Variants in RBPMS observed in about 807,000 individuals in gnomAD.
RBPMS encodes the protein RNA-binding protein with multiple splicing.
In RBPMS, 7 loss-of-function variants were observed where a neutral mutation model predicts 26.8. The observed-to-expected ratio is 0.26, with a 90% confidence interval of 0.15 to 0.49. The LOEUF is 0.49. Among genes scored for constraint, RBPMS ranks in the 20% least tolerant of loss-of-function variants. The probability of loss-of-function intolerance (pLI) is 0.98; values close to 1 mark genes in which losing one functional copy is unlikely to be tolerated. For synonymous variants in RBPMS, 96 were observed against 93.3 expected (o/e 1.03, Z -0.17); for missense variants, 186 against 250.0 (o/e 0.74, Z 1.73).
chr8:30,502,452 C>T lies in RBPMS; in HGVS notation c.247-1834C>T, dbSNP rs147909727. On this transcript the variant is annotated intron_variant, in intron 4 of 8. Transcript: ENST00000397323. ...CCCAGGATACTCTTCACATCATCCC[C>T]AGTGGCCTGGGCCACAGGACTCAGG... 1.9e-3 allele frequency among the ~76,000 whole-genome samples: 282 copies of T among 152,316 alleles called. 1 individual carries two copies. Among genetic ancestry groups the T allele is most frequent in the African/African-American group, 6.0e-3 (248 of 41,570 alleles).
rs55914538 is a variant in RBPMS, at chr8:30,395,461, C to CAA, written c.66+10329_66+10330dup. Among the ~76,000 whole-genome samples, 20 of 43,796 alleles carry CAA rather than the reference C, an allele frequency of 4.6e-4. 1 individual carries two copies. The highest frequency in any genetic ancestry group is 1.2e-3 in the South Asian group (1 of 854). 28.7% of individuals were successfully genotyped at this position (43,796 alleles called of 152,430 possible). A position where few individuals can be genotyped will look rare whatever the true frequency, so the allele number is the denominator to read the frequency against. ...GCCTGGACAGAGTGAGACTCTGTCT[C>CAA]AAAAAAAAAAAAAAAAAAAAAAAAA... On this transcript the variant is annotated intron_variant, in intron 1 of 8. Coordinates refer to ENST00000397323, the MANE Select transcript of RBPMS (RefSeq NM_001008710.3).
intron 5 of RBPMS, among the ~76,000 whole-genome samples, chr8:30,517,076 A>G (rs932892021): frequency 3.9e-5 from 6 of 152,168 alleles, no homozygotes; most frequent in Non-Finnish European, 5.9e-5. Context: ...AGATATACAC[A>G]TAGATATTGT....
intron 1 of RBPMS, among the ~76,000 whole-genome samples, chr8:30,473,820 C>T (rs1290137343): frequency 6.6e-6 from 1 of 152,062 alleles, no homozygotes; most frequent in East Asian, 1.9e-4. Context: ...TATAAGTCAT[C>T]CTCAGCAAAC....
intron 1 of RBPMS, among the ~76,000 whole-genome samples, chr8:30,430,230 G>T (rs1422729763): frequency 6.6e-6 from 1 of 152,036 alleles, no homozygotes; most frequent in African/African-American, 2.4e-5. Context: ...ATGGATGGAT[G>T]GATGGATGGA....
intron 4 of RBPMS, among the ~76,000 whole-genome samples, chr8:30,484,293 T>C (rs1200788879): frequency 1.3e-5 from 2 of 152,190 alleles, no homozygotes; most frequent in East Asian, 3.8e-4. Context: ...TAATAGTAGA[T>C]TTGATTTCTG....
chr8:30,556,285 G>T, intron 6 of RBPMS: 1 of 985,402 alleles, frequency 1.0e-6, no homozygotes, highest in Non-Finnish European at 1.2e-6. Flanking sequence ...CTCGGAACCC[G>T]CCTTCATGTC....
In RBPMS at chr8:30,563,110, G is replaced by C. The variant is rs80199330; in HGVS notation, c.*8-3147G>C. On this transcript the variant is annotated intron_variant, in intron 7 of 8. Transcript: ENST00000397323. ...CTGCAAGACCAGCTTGCTGTGAGGAGAGCCAAGCTGAGGGCATGTACAGGC... is the reference window on the plus strand; with the variant it reads ...CTGCAAGACCAGCTTGCTGTGAGGACAGCCAAGCTGAGGGCATGTACAGGC... 4.7e-3 allele frequency among the ~76,000 whole-genome samples: 720 copies of C among 152,320 alleles called. 4 individuals carry two copies. Among genetic ancestry groups the C allele is most frequent in the African/African-American group, 0.017 (690 of 41,566 alleles).
intron 5 of RBPMS, among the ~76,000 whole-genome samples, chr8:30,540,040 T>C (rs1373823345): frequency 6.6e-6 from 1 of 152,202 alleles, no homozygotes; most frequent in Non-Finnish European, 1.5e-5. Flanking sequence ...AGGTGCAGGA[T>C]GTGGTGGAGC....
At chr8:30,455,280 G>A (rs1336461054) in intron 1 of RBPMS, among the ~76,000 whole-genome samples, 1 of 152,176 alleles carries the variant, frequency 6.6e-6, no homozygotes, top group East Asian at 1.9e-4. Flanking sequence ...AAGTGAGTGT[G>A]TCATTCCAAT....
At chr8:30,556,361 C>G in intron 6 of RBPMS, 1 of 985,634 alleles carries the variant, frequency 1.0e-6, no homozygotes, top group Non-Finnish European at 1.2e-6. Context: ...CGTCCCCAAC[C>G]CTGCAGGCAC....
At chr8:30,487,675 GA>G (rs1393498156) in intron 4 of RBPMS, among the ~76,000 whole-genome samples, 1 of 151,906 alleles carries the variant, frequency 6.6e-6, no homozygotes, top group African/African-American at 2.4e-5. Flanking sequence ...TATAGAATGT[GA>G]AAAATTATAT....
At chr8:30,417,877 G>A (rs577207158) in intron 1 of RBPMS, among the ~76,000 whole-genome samples, 27 of 152,026 alleles carry the variant, frequency 1.8e-4, no homozygotes, top group Non-Finnish European at 3.1e-4. Context: ...TCAACTATGT[G>A]TACTTTTGTA....
At chr8:30,453,799 A>G (rs1046425811) in intron 1 of RBPMS, 1 of 152,200 alleles carries the variant, frequency 6.6e-6, no homozygotes, top group African/African-American at 2.4e-5. Context: ...ATCTCATCTC[A>G]GTGGGAGTAG....
chr8:30,437,647 CG>C (rs1360347796), intron 1 of RBPMS, among the ~76,000 whole-genome samples: 2 of 152,106 alleles, frequency 1.3e-5, no homozygotes, highest in African/African-American at 4.8e-5. Context: ...AAAAATTAGC[CG>C]GGCATGATAT....
At chr8:30,500,421 A>AT (rs1466054730) in intron 4 of RBPMS, among the ~76,000 whole-genome samples, 6 of 148,816 alleles carry the variant, frequency 4.0e-5, no homozygotes, top group Non-Finnish European at 5.9e-5. Context: ...GTTTCTAAGC[A>AT]TTTTTTTTCT....
intron 1 of RBPMS, among the ~76,000 whole-genome samples, chr8:30,393,109 T>C (rs2150551292): frequency 6.6e-6 from 1 of 152,250 alleles, no homozygotes; most frequent in Non-Finnish European, 1.5e-5. Context: ...AAATGGAAAC[T>C]TAAAAATTAA....
At chr8:30,438,387 T>C (rs1307107586) in intron 1 of RBPMS, among the ~76,000 whole-genome samples, 5 of 152,216 alleles carry the variant, frequency 3.3e-5, no homozygotes, top group African/African-American at 9.7e-5. Flanking sequence ...CCAGGAAGTG[T>C]TGACGTGGTC....
intron 1 of RBPMS, among the ~76,000 whole-genome samples, chr8:30,421,195 A>T (rs995321917): frequency 6.6e-6 from 1 of 151,906 alleles, no homozygotes; most frequent in Admixed American, 6.6e-5. Context: ...GAGTGTGCGC[A>T]TGAGCTGGTC....
chr8:30,468,734 T>C (rs758365716), intron 1 of RBPMS, among the ~76,000 whole-genome samples: 11 of 152,330 alleles, frequency 7.2e-5, no homozygotes, highest in Non-Finnish European at 1.3e-4. Context: ...AAAGGTTTCA[T>C]CTGTGAATCC....
Sources: gnomAD v4.1 joint callset for allele counts (sites outside exome capture counted in the v4.1 genomes callset) on GRCh38, gnomAD v4.1.1 for gene constraint, MANE v1.5 for transcripts, NCBI Gene and HGNC (gene_info 2026-07-23, HGNC 2026-07-21) for gene names.